Variants in CHD9 observed in about 807,000 individuals in gnomAD.
The protein encoded by CHD9 is ATP-dependent chromatin remodeler CHD9.
A neutral mutation model predicts 316.1 loss-of-function variants in CHD9; 77 were observed. The observed-to-expected ratio is 0.24, with a 90% CI of 0.20 to 0.29. The LOEUF (loss-of-function observed/expected upper bound fraction) is 0.29. Ranked by LOEUF, CHD9 falls within the 10% of genes least tolerant of loss-of-function variation. CHD9 has a pLI of 1.00. For synonymous variants in CHD9, 1,129 were observed against 1,158.3 expected (o/e 0.97, Z 0.51); for missense variants, 2,763 against 3,438.1 (o/e 0.80, Z 4.91).
intron 10 of CHD9, among the ~76,000 whole-genome samples, chr16:53,233,920 T>A (rs1423413700): frequency 1.3e-5 from 2 of 152,214 alleles, no homozygotes; most frequent in Non-Finnish European, 2.9e-5. Context: ...TCTCAGAAAC[T>A]TATTTCTCCT....
chr16:53,180,742 G>A (rs902222402), intron 2 of CHD9, among the ~76,000 whole-genome samples: 4 of 151,052 alleles, frequency 2.6e-5, no homozygotes, highest in Admixed American at 6.6e-5. Flanking sequence ...GCGCGATCTC[G>A]GCCCACTGCA....
chr16:53,076,886 C>T (rs953543819), intron 1 of CHD9, among the ~76,000 whole-genome samples: 1 of 152,178 alleles, frequency 6.6e-6, no homozygotes, highest in Non-Finnish European at 1.5e-5. Context: ...AGGATCACAG[C>T]TCACTGCAGC....
At chr16:53,257,555 A>T (rs2050709062) in intron 19 of CHD9, among the ~76,000 whole-genome samples, 1 of 152,156 alleles carries the variant, frequency 6.6e-6, no homozygotes, top group Admixed American at 6.5e-5. Context: ...GAGAAGGAAG[A>T]GTCAGAAATG....
intron 4 of CHD9, among the ~76,000 whole-genome samples, chr16:53,226,158 A>G (rs934155418): frequency 3.3e-5 from 5 of 152,106 alleles, no homozygotes; most frequent in South Asian, 2.1e-4. Context: ...TTGAAATTGT[A>G]GGAAGTAGAA....
chr16:53,113,308 C>T (rs1048255437), intron 1 of CHD9, among the ~76,000 whole-genome samples: 9 of 151,234 alleles, frequency 6.0e-5, no homozygotes. Flanking sequence ...TGGACTACAA[C>T]TCAGATATTT....
Position 53,327,120 on chromosome 16 carries a change from G to A in CHD9, c.*2225G>A, listed in dbSNP as rs1238238694. 1 of 152,292 alleles carries A rather than the reference G, an allele frequency of 6.6e-6. No individual in the cohort carries two copies. The highest frequency in any genetic ancestry group is 1.9e-4 in the East Asian group (1 of 5,184). The allele number at this position is 152,292 out of a possible 1,614,324, so 9.4% of individuals were successfully genotyped here. ...TTGGGGAAAAGTTGTCCAGCTATCAGCTAAGAAAACACATGCAAATATGGT... is the reference window on the plus strand; with the variant it reads ...TTGGGGAAAAGTTGTCCAGCTATCAACTAAGAAAACACATGCAAATATGGT... On this transcript the variant is annotated 3_prime_UTR_variant, in exon 39 of 39. Coordinates refer to ENST00000447540, the MANE Select transcript of CHD9 (RefSeq NM_001308319.2).
Position 53,304,584 on chromosome 16 carries a change from C to T in CHD9, c.6578C>T (p.Ser2193Leu). Residue 2193 changes from serine to leucine, a missense_variant, in exon 31 of 39, where the codon TCA (serine) becomes TTA (leucine). Ser to Leu is a moderately radical substitution (Grantham distance 145). Transcript: ENST00000447540. Reference sequence around the variant, plus strand: ...TCCTCCTCCTCCTCTTCATCTTCATCAGAAGAAAGTGACAGTGATGAAGAA... The same window carrying T: ...TCCTCCTCCTCCTCTTCATCTTCATTAGAAGAAAGTGACAGTGATGAAGAA... ...SSSSSSSSSS[S>L]EESDSDEEEA... 6.5e-7 allele frequency: 1 copy of T among 1,549,400 alleles called. No homozygotes were observed. Among genetic ancestry groups the T allele is most frequent in the Non-Finnish European group, 8.7e-7 (1 of 1,145,162 alleles).
intron 1 of CHD9, among the ~76,000 whole-genome samples, chr16:53,133,986 A>C (rs757736821): frequency 2.6e-5 from 4 of 152,338 alleles, no homozygotes; most frequent in Non-Finnish European, 4.4e-5. Flanking sequence ...ATTTTGGTAC[A>C]TATGAAAAGT....
At chr16:53,106,657 T>TAC (rs10538483) in intron 1 of CHD9, among the ~76,000 whole-genome samples, 40,158 of 150,584 alleles carry the variant, frequency 0.27, 6,445 homozygotes, top group Non-Finnish European at 0.37. Flanking sequence ...CACACATACA[T>TAC]ACACACACAC....
intron 1 of CHD9, among the ~76,000 whole-genome samples, chr16:53,056,673 A>G (rs1256068095): frequency 6.6e-6 from 1 of 152,202 alleles, no homozygotes; most frequent in East Asian, 1.9e-4. Context: ...AACACTAGCT[A>G]TCACTGCTGT....
At chr16:53,115,191 T>C (rs1040317438) in intron 1 of CHD9, among the ~76,000 whole-genome samples, 4 of 152,202 alleles carry the variant, frequency 2.6e-5, no homozygotes, top group African/African-American at 9.7e-5. Context: ...GCCTAGAGAA[T>C]GATCCGAAGA....
chr16:53,170,350 G>A (rs545087394), intron 2 of CHD9, among the ~76,000 whole-genome samples: 3 of 152,178 alleles, frequency 2.0e-5, no homozygotes, highest in South Asian at 2.1e-4. Context: ...AATCAATGTC[G>A]TAACCGATTG....
chr16:53,215,560 T>A (rs2046686747), intron 3 of CHD9, among the ~76,000 whole-genome samples: 1 of 152,178 alleles, frequency 6.6e-6, no homozygotes, highest in Non-Finnish European at 1.5e-5. Context: ...GAGTTTATAT[T>A]TGAGGACTTA....
intron 2 of CHD9, among the ~76,000 whole-genome samples, chr16:53,180,040 T>TTC (rs965964911): frequency 3.3e-5 from 5 of 150,790 alleles, no homozygotes; most frequent in Non-Finnish European, 7.4e-5. Context: ...TTTTTTTTTT[T>TTC]TTTTGAGACT....
chr16:53,146,413 GTGTATGTATATATA>G (rs1308432594), intron 1 of CHD9, among the ~76,000 whole-genome samples: 4 of 24,482 alleles, frequency 1.6e-4, no homozygotes, highest in African/African-American at 1.0e-3. Context: ...TTGTGTGTGT[GTGTATGTATATATA>G]TATATATATA....
At chr16:53,321,151 C>T in intron 37 of CHD9, 1 of 1,028,112 alleles carries the variant, frequency 9.7e-7, no homozygotes, top group South Asian at 1.3e-5. Flanking sequence ...TATTGTTATC[C>T]CCATTTTACA....
intron 30 of CHD9, among the ~76,000 whole-genome samples, chr16:53,303,355 T>C (rs2055634509): frequency 6.6e-6 from 1 of 152,146 alleles, no homozygotes; most frequent in Non-Finnish European, 1.5e-5. Context: ...GTTTGTGTTA[T>C]TAAGACAAAT....
At position 53,306,381 on chromosome 16, in the gene CHD9, C is replaced by G. The variant is rs1466311001; in HGVS notation, c.6764C>G (p.Ala2255Gly). 2 of 1,585,270 alleles carry G rather than the reference C, an allele frequency of 1.3e-6. No homozygotes were observed. The highest frequency in any genetic ancestry group is 1.4e-5 in the African/African-American group (1 of 72,830). ...YILQGGYMLA[A>G]SYWPKDRVMI... ...TTACAAGGTGGATATATGCTGGCAG[C>G]CTCGTATTGGCCAAAGGTAAAGAAA... The change falls in exon 32 of 39, where the codon GCC (alanine) becomes GGC (glycine). Residue 2255 changes from alanine (A) to glycine (G), a missense_variant. Coordinates refer to ENST00000447540, the MANE Select transcript of CHD9 (RefSeq NM_001308319.2).
chr16:53,219,418 G>A (rs920114045), intron 3 of CHD9, among the ~76,000 whole-genome samples: 1 of 152,176 alleles, frequency 6.6e-6, no homozygotes, highest in Non-Finnish European at 1.5e-5. Context: ...GGCGGCTGAA[G>A]ACAGAACTTT....
Sources: gnomAD v4.1 joint callset for allele counts (sites outside exome capture counted in the v4.1 genomes callset) on GRCh38, gnomAD v4.1.1 for gene constraint, MANE v1.5 for transcripts, NCBI Gene and HGNC (gene_info 2026-07-23, HGNC 2026-07-21) for gene names.